ZNF804B: variants seen among roughly 807,000 people sequenced by gnomAD.
ZNF804B encodes zinc finger protein 804B.
Under a neutral mutation model 101.4 loss-of-function variants are expected in ZNF804B, and 80 were observed. The observed-to-expected ratio is 0.79, with a 90% CI of 0.66 to 0.95. ZNF804B has a LOEUF of 0.95. Among genes scored for constraint, ZNF804B ranks in the 40% least tolerant of loss-of-function variants. The pLI is 0.00. For synonymous variants in ZNF804B, 622 were observed against 558.8 expected, an observed-to-expected ratio of 1.11 and a Z score of -1.59; for missense variants, 1,673 against 1,561.9, an observed-to-expected ratio of 1.07 and a Z score of -1.20.
chr7:89,069,134 A>G lies in ZNF804B; in HGVS notation c.109-149021A>G, dbSNP rs1789498345. ...GAGGGTGATTCTCCAGGACTGGCTT[A>G]CTTATTCTTAATGTGACTGTGCTTT... is the stretch of plus-strand genomic sequence containing the variant. On this transcript the variant is annotated intron_variant, in intron 1 of 3. Coordinates refer to ENST00000333190, the MANE Select transcript of ZNF804B (RefSeq NM_181646.5). 2.0e-5 allele frequency among the ~76,000 whole-genome samples: 3 copies of G among 152,190 alleles called. No individual in the cohort carries two copies. In the South Asian group the frequency reaches 6.2e-4, roughly 31 times the overall value.
chr7:89,293,204 A>G (rs1227026148), intron 2 of ZNF804B, among the ~76,000 whole-genome samples: 1 of 152,052 alleles, frequency 6.6e-6, no homozygotes, highest in African/African-American at 2.4e-5. Context: ...ATGTTTAATT[A>G]TACACTTTTC....
chr7:89,323,736 C>A (rs1790855357), intron 2 of ZNF804B, among the ~76,000 whole-genome samples: 1 of 151,992 alleles, frequency 6.6e-6, no homozygotes, highest in Admixed American at 6.6e-5. Flanking sequence ...TGCACAATAC[C>A]CTATTTGTTT....
At chr7:88,976,939 T>A (rs903567856) in intron 1 of ZNF804B, among the ~76,000 whole-genome samples, 2 of 151,708 alleles carry the variant, frequency 1.3e-5, no homozygotes, top group Non-Finnish European at 3.0e-5. Flanking sequence ...GTTTTTATCA[T>A]GAAGAGATGT....
intron 2 of ZNF804B, among the ~76,000 whole-genome samples, chr7:89,307,507 AT>A (rs1292710022): frequency 3.3e-5 from 5 of 151,986 alleles, no homozygotes; most frequent in African/African-American, 9.7e-5. Context: ...CTTCCCACGT[AT>A]TTATGAAATA....
intron 1 of ZNF804B, among the ~76,000 whole-genome samples, chr7:88,988,339 A>C (rs1299821588): frequency 6.6e-6 from 1 of 152,042 alleles, no homozygotes; most frequent in Non-Finnish European, 1.5e-5. Flanking sequence ...GAAAATGTGG[A>C]GACTTGGTTT....
intron 1 of ZNF804B, among the ~76,000 whole-genome samples, chr7:89,212,158 C>T (rs1412381675): frequency 6.6e-6 from 1 of 151,832 alleles, no homozygotes; most frequent in African/African-American, 2.4e-5. Context: ...TTCCTCTCAC[C>T]TGCCCAAATT....
chr7:89,261,186 T>C (rs1208835), intron 2 of ZNF804B, among the ~76,000 whole-genome samples: 106,787 of 151,946 alleles, frequency 0.7, 38,503 homozygotes, highest in African/African-American at 0.83. Flanking sequence ...TGCATCTGTA[T>C]CTTCATTTGC....
intron 2 of ZNF804B, among the ~76,000 whole-genome samples, chr7:89,280,290 T>C (rs1208868): frequency 0.97 from 146,049 of 151,186 alleles, 70,575 homozygotes; most frequent in East Asian, 1. Context: ...GCACTAAATG[T>C]CCACAAGAGG....
At chr7:89,219,988 T>C (rs1299740001) in intron 2 of ZNF804B, among the ~76,000 whole-genome samples, 1 of 145,806 alleles carries the variant, frequency 6.9e-6, no homozygotes, top group African/African-American at 2.6e-5. Flanking sequence ...TACATATGTG[T>C]GCATATATGT....
rs139813043 is a variant in ZNF804B, at chr7:89,304,015, G to C, written c.250-23329G>C. On this transcript the variant is annotated intron_variant, in intron 2 of 3. Coordinates refer to ENST00000333190, the MANE Select transcript of ZNF804B (RefSeq NM_181646.5). ...AGTGAACTTTAGACAGGTTTATTCC[G>C]GACTATAGGACCTTGACTTGACCTC... Among the ~76,000 whole-genome samples, 472 of 151,870 alleles carry C rather than the reference G, an allele frequency of 3.1e-3. 5 individuals are homozygous for C. Among genetic ancestry groups the C allele is most frequent in the African/African-American group, 0.01 (422 of 41,480 alleles).
intron 1 of ZNF804B, among the ~76,000 whole-genome samples, chr7:88,855,701 T>C (rs1203152561): frequency 6.6e-6 from 1 of 152,176 alleles, no homozygotes; most frequent in East Asian, 1.9e-4. Flanking sequence ...CTGAATGGTA[T>C]TGCCTAGGTT....
chr7:89,220,535 A>G (rs992857170), intron 2 of ZNF804B, among the ~76,000 whole-genome samples: 20 of 151,922 alleles, frequency 1.3e-4, no homozygotes, highest in Admixed American at 1.2e-3. Flanking sequence ...GATTTATACC[A>G]TCATCGCTCA....
rs147995064 is a variant in ZNF804B at position 89,143,571 on chromosome 7, G to T, written c.109-74584G>T. On this transcript the variant is annotated intron_variant, in intron 1 of 3. Coordinates refer to ENST00000333190, the MANE Select transcript of ZNF804B (RefSeq NM_181646.5). ...TTAAAATGAATTATCTATTTGTAAAGTGCTTATTTCTTTAGAGCATTTTCC... is the reference window on the plus strand; with the variant it reads ...TTAAAATGAATTATCTATTTGTAAATTGCTTATTTCTTTAGAGCATTTTCC... Among the ~76,000 whole-genome samples the T allele has an allele frequency of 3.7e-3, 555 of 151,914 alleles. 3 individuals carry two copies. The highest frequency in any genetic ancestry group is 0.013 in the African/African-American group (527 of 41,494).
At chr7:89,176,736 G>C (rs1791329728) in intron 1 of ZNF804B, among the ~76,000 whole-genome samples, 1 of 150,976 alleles carries the variant, frequency 6.6e-6, no homozygotes, top group Non-Finnish European at 1.5e-5. Context: ...TTAAAAGTTT[G>C]GTGTAATTCA....
Position 89,063,713 on chromosome 7 carries a change from T to C in ZNF804B, c.109-154442T>C, listed in dbSNP as rs1227042733. On this transcript the variant is annotated intron_variant, in intron 1 of 3. Transcript: ENST00000333190. Reference sequence around the variant, plus strand: ...TTCAAATTATTTAACTAAAATTGTCTGCATCAGTGGAGGAAGTCCCCAATA... The same window carrying C: ...TTCAAATTATTTAACTAAAATTGTCCGCATCAGTGGAGGAAGTCCCCAATA... Among the ~76,000 whole-genome samples, 4 of 152,180 alleles carry C rather than the reference T, an allele frequency of 2.6e-5. No individual in the cohort carries two copies. In the East Asian group the frequency reaches 7.7e-4, roughly 29 times the overall value.
intron 1 of ZNF804B, among the ~76,000 whole-genome samples, chr7:88,903,148 G>T (rs530174828): frequency 1.4e-5 from 2 of 143,064 alleles, no homozygotes; most frequent in African/African-American, 5.3e-5. Context: ...CCATCTTTAC[G>T]TCCACATGTG....
rs185552416 is a variant in ZNF804B, at chr7:88,898,349, G to A, written c.108+138265G>A. On this transcript the variant is annotated intron_variant, in intron 1 of 3. Coordinates refer to ENST00000333190, the MANE Select transcript of ZNF804B (RefSeq NM_181646.5). ...GATCCACCCGCCTCGGCCTCCCAAC[G>A]TGCTGGGATTACAGGCGTGAGCCAC... is the stretch of plus-strand genomic sequence containing the variant. Among the ~76,000 whole-genome samples, 217 of 151,982 alleles carry A rather than the reference G, an allele frequency of 1.4e-3. 2 individuals carry two copies. The highest frequency in any genetic ancestry group is 6.8e-3 in the South Asian group (33 of 4,820).
At chr7:89,190,827 G>T (rs1437252428) in intron 1 of ZNF804B, among the ~76,000 whole-genome samples, 1 of 152,058 alleles carries the variant, frequency 6.6e-6, no homozygotes, top group African/African-American at 2.4e-5. Flanking sequence ...ATTTTTACTC[G>T]CTGAAGGCTC....
At chr7:89,070,239 G>T (rs937924370) in intron 1 of ZNF804B, among the ~76,000 whole-genome samples, 1 of 152,150 alleles carries the variant, frequency 6.6e-6, no homozygotes, top group Non-Finnish European at 1.5e-5. Context: ...CAAATATCAA[G>T]ATTATTATGT....
Sources: allele counts gnomAD v4.1 joint callset (sites outside exome capture counted in the v4.1 genomes callset), GRCh38; gene constraint gnomAD v4.1.1; transcripts MANE v1.5; gene names NCBI Gene and HGNC (gene_info 2026-07-23, HGNC 2026-07-21).